VAV1: variants seen among roughly 807,000 people sequenced by gnomAD.
VAV1 encodes proto-oncogene vav.
A neutral mutation model predicts 128.1 loss-of-function variants in VAV1; 33 were observed. The ratio of observed to expected loss-of-function variants is 0.26; its 90% CI spans 0.20 to 0.34. The LOEUF is 0.34. Among genes scored for constraint, VAV1 ranks in the 10% least tolerant of loss-of-function variants. The pLI, the probability that VAV1 is intolerant of heterozygous loss-of-function variation, is 1.00. For synonymous variants in VAV1, 394 were observed against 409.8 expected (o/e 0.96, Z 0.47); for missense variants, 715 against 1,093.7 (o/e 0.65, Z 4.88).
chr19:6,785,869 A>C (rs1248865373), intron 1 of VAV1, among the ~76,000 whole-genome samples: 1 of 151,620 alleles, frequency 6.6e-6, no homozygotes, highest in Non-Finnish European at 1.5e-5. Flanking sequence ...CATGTTGGCC[A>C]GCTGGTCTTG....
intron 1 of VAV1, chr19:6,784,173 G>C: frequency 1.7e-6 from 1 of 582,192 alleles, no homozygotes; most frequent in Non-Finnish European, 3.1e-6. Flanking sequence ...AGGATCGCTT[G>C]AGCCCAGGAG....
chr19:6,841,665 G>A (rs1322467515), intron 21 of VAV1, among the ~76,000 whole-genome samples: 2 of 151,226 alleles, frequency 1.3e-5, no homozygotes, highest in African/African-American at 2.4e-5. Flanking sequence ...TAGTAGAGAC[G>A]GGGTTTTGCC....
intron 8 of VAV1, among the ~76,000 whole-genome samples, chr19:6,825,816 G>C (rs1022194740): frequency 1.3e-4 from 19 of 151,968 alleles, no homozygotes; most frequent in Admixed American, 1.2e-3. Context: ...TTTAAGGTGA[G>C]GAGTTCAAGA....
chr19:6,824,303 A>G (rs1031664955), intron 6 of VAV1, among the ~76,000 whole-genome samples: 1 of 151,542 alleles, frequency 6.6e-6, no homozygotes, highest in Non-Finnish European at 1.5e-5. Context: ...GTTCCCCTTC[A>G]ATCTCTTATC....
intron 2 of VAV1, among the ~76,000 whole-genome samples, chr19:6,821,413 A>G: frequency 6.6e-6 from 1 of 152,088 alleles, no homozygotes; most frequent in East Asian, 1.9e-4. Context: ...AAAATACTAA[A>G]ATATAAAAGA....
At chr19:6,832,052 G>C (rs74356028) in intron 14 of VAV1, 39 bp from the exon 15 acceptor site, 4 of 1,599,394 alleles carry the variant, frequency 2.5e-6, no homozygotes, top group Non-Finnish European at 3.4e-6. Flanking sequence ...CACCCTCTGC[G>C]GGGGCAGTGC....
intron 1 of VAV1, among the ~76,000 whole-genome samples, chr19:6,782,081 A>G (rs1441011175): frequency 2.0e-5 from 3 of 152,130 alleles, no homozygotes. Flanking sequence ...TTGTAATCCC[A>G]GCACTTCGGG....
At position 6,828,287 on chromosome 19, in the gene VAV1, C is replaced by T. The variant is rs976505668; in HGVS notation, c.1023+116C>T. On this transcript the variant is annotated intron_variant, in intron 10 of 26. Coordinates refer to ENST00000602142, the MANE Select transcript of VAV1 (RefSeq NM_005428.4). The surrounding 1 kb of genome is among the most constrained non-coding windows in gnomAD (Gnocchi z 4.5). ...CTCTAGGACGCTCGGGGATGGGTCA[C>T]TGGGGTCATGTCTCAGCCTCCAGGG... 12 of 1,508,702 alleles carry T rather than the reference C, an allele frequency of 8.0e-6. No individual in the cohort carries two copies. The African/African-American group carries it at 1.4e-4, about 17-fold the overall frequency. 93.5% of individuals were successfully genotyped at this position (1,508,702 alleles called of 1,614,324 possible). A position where few individuals can be genotyped will look rare whatever the true frequency, so the allele number is the denominator to read the frequency against.
rs920828777 is a variant in VAV1 at position 6,820,556 on chromosome 19, T to A, written c.205-146T>A. 4.5e-6 allele frequency: 3 copies of A among 660,834 alleles called. No homozygotes were observed. The Admixed American group carries it at 7.4e-5, about 16-fold the overall frequency. 40.9% of individuals were successfully genotyped at this position (660,834 alleles called of 1,614,324 possible). A position where few individuals can be genotyped will look rare whatever the true frequency, so the allele number is the denominator to read the frequency against. ...GATCTGGATCAGGCACAACTTAATCTTTACCAGAAGATAATTCAATTTCAT... is the reference window on the plus strand; with the variant it reads ...GATCTGGATCAGGCACAACTTAATCATTACCAGAAGATAATTCAATTTCAT... On this transcript the variant is annotated intron_variant, in intron 1 of 26. Coordinates refer to ENST00000602142, the MANE Select transcript of VAV1 (RefSeq NM_005428.4). This position sits in a 1 kb window ranked among gnomAD's most constrained non-coding sequence, Gnocchi z 4.4.
At position 6,828,486 on chromosome 19, in the gene VAV1, G is replaced by A. The variant is rs1351334791; in HGVS notation, c.1091G>A (p.Arg364Lys). ...CTGCGGCTGGCCCTGGATGCCATGAGGGTGAGTGGGTGTAGGGTGCTGGTG... is the reference window on the plus strand; with the variant it reads ...CTGCGGCTGGCCCTGGATGCCATGAAGGTGAGTGGGTGTAGGGTGCTGGTG... ...ENLRLALDAM[R>K]DLAQCVNEVK... The change falls in exon 11 of 27, where the codon AGG becomes AAG. Residue 364 changes from arginine to lysine, a missense_variant and splice_region_variant. This residue lies in a region of VAV1 where 6 missense variants were observed against 35.3 expected (regional missense o/e 0.17). Coordinates refer to ENST00000602142, the MANE Select transcript of VAV1 (RefSeq NM_005428.4). The surrounding 1 kb of genome is among the most constrained non-coding windows in gnomAD (Gnocchi z 4.5). The A allele has an allele frequency of 6.2e-7, 1 of 1,614,076 alleles. No individual in the cohort carries two copies. The highest frequency in any genetic ancestry group is 1.3e-5 in the African/African-American group (1 of 74,924).
chr19:6,836,465 A>C lies in VAV1; in HGVS notation c.1811A>C (p.Tyr604Ser). ...AAGATGGAGGTGTTTCAGGAATACT[A>C]CGGGCTTCCTCCACCCCCTGGAGCC... ...LPKMEVFQEYYGLPPPPGAIG... is the reference protein window; with the variant it reads ...LPKMEVFQEYSGLPPPPGAIG... Residue 604 changes from tyrosine (Y) to serine (S), a missense_variant, in exon 20 of 27, where the codon TAC becomes TCC. This residue lies in a region of VAV1 where 407 missense variants were observed against 580.6 expected (regional missense o/e 0.70). Transcript: ENST00000602142. The C allele has an allele frequency of 6.2e-7, 1 of 1,614,048 alleles. No homozygotes were observed. Among genetic ancestry groups the C allele is most frequent in the Non-Finnish European group, 8.5e-7 (1 of 1,179,996 alleles).
chr19:6,838,439 C>CCA (rs1972285285), intron 21 of VAV1, among the ~76,000 whole-genome samples: 5 of 140,290 alleles, frequency 3.6e-5, no homozygotes, highest in African/African-American at 1.6e-4. Context: ...ATCCATCCAT[C>CCA]TATCATCTAT....
intron 1 of VAV1, among the ~76,000 whole-genome samples, chr19:6,797,556 A>G (rs1243955807): frequency 6.6e-6 from 1 of 151,896 alleles, no homozygotes; most frequent in African/African-American, 2.4e-5. Flanking sequence ...CTGCAAAATT[A>G]GCTGGGCGTG....
chr19:6,825,132 C>T lies in VAV1; in HGVS notation c.723+11C>T, dbSNP rs374598929. The T allele has an allele frequency of 1.4e-5, 22 of 1,609,908 alleles. No homozygotes were observed. Among genetic ancestry groups the T allele is most frequent in the Non-Finnish European group, 1.7e-5 (20 of 1,178,564 alleles). On this transcript the variant is annotated intron_variant, in intron 7 of 26. Coordinates refer to ENST00000602142, the MANE Select transcript of VAV1 (RefSeq NM_005428.4). ...TTTATCAACATTGAGGTGAGCCGGC[C>T]GATCCCCAGCCCTCTTGGGTCTGTC...
intron 1 of VAV1, among the ~76,000 whole-genome samples, chr19:6,803,989 CTA>C (rs1339140312): frequency 3.9e-5 from 6 of 152,062 alleles, no homozygotes; most frequent in African/African-American, 1.4e-4. Context: ...AGGCTACATA[CTA>C]TATGATACCA....
In VAV1 at chr19:6,836,833, G is replaced by GAC. The variant is rs60215253; in HGVS notation, c.1915-107_1915-106dup. ...AGAGTGACCATTGAGCAGAGAGATGGACACACACACACACACACACACACA... is the reference window on the plus strand; with the variant it reads ...AGAGTGACCATTGAGCAGAGAGATGGACACACACACACACACACACACACACA... On this transcript the variant is annotated intron_variant, in intron 20 of 26. Transcript: ENST00000602142. 7,906 of 870,794 alleles carry GAC rather than the reference G, an allele frequency of 9.1e-3. 54 individuals are homozygous for GAC. The highest frequency in any genetic ancestry group is 0.038 in the African/African-American group (2,039 of 53,670). The allele number at this position is 870,794 out of a possible 1,614,324, so 53.9% of individuals were successfully genotyped here.
intron 1 of VAV1, among the ~76,000 whole-genome samples, chr19:6,815,312 T>C (rs915010461): frequency 2.6e-5 from 4 of 152,048 alleles, no homozygotes; most frequent in African/African-American, 9.7e-5. Flanking sequence ...AGGCTAATTT[T>C]TGTATTTTTT....
At chr19:6,800,315 A>ATT (rs11426897) in intron 1 of VAV1, among the ~76,000 whole-genome samples, 2,765 of 147,668 alleles carry the variant, frequency 0.019, 70 homozygotes, top group African/African-American at 0.059. Context: ...TATCTGTCTC[A>ATT]TTTTTTTTTT....
At position 6,821,626 on chromosome 19, in the gene VAV1, T is replaced by C. The variant is rs1389661073; in HGVS notation, c.326T>C (p.Ile109Thr). The change falls in exon 3 of 27, where the codon ATC (isoleucine) becomes ACC (threonine). Residue 109 changes from isoleucine to threonine, a missense_variant. Ile to Thr is a moderately conservative substitution (Grantham distance 89). This residue lies in a region of VAV1 where 302 missense variants were observed against 477.8 expected (regional missense o/e 0.63). Transcript: ENST00000602142. ...LFDVQDFGKVIYTLSALSWTP... is the reference protein window; with the variant it reads ...LFDVQDFGKVTYTLSALSWTP... ...GTGGCCACTGCCCCGTCACAGGTCATCTACACCCTGTCTGCTCTGTCCTGG... is the reference window on the plus strand; with the variant it reads ...GTGGCCACTGCCCCGTCACAGGTCACCTACACCCTGTCTGCTCTGTCCTGG... 1 of 1,614,122 alleles carries C rather than the reference T, an allele frequency of 6.2e-7. No homozygotes were observed. The highest frequency in any genetic ancestry group is 8.5e-7 in the Non-Finnish European group (1 of 1,180,010).
Sources: gnomAD v4.1 joint callset for allele counts (sites outside exome capture counted in the v4.1 genomes callset) on GRCh38, gnomAD v4.1.1 for gene constraint, gnomAD v4.1.1 regional missense constraint, Gnocchi (gnomAD v3.1) non-coding constraint, MANE v1.5 for transcripts, NCBI Gene and HGNC (gene_info 2026-07-23, HGNC 2026-07-21) for gene names.